Variants in ACOXL observed in about 807,000 individuals in gnomAD.
ACOXL encodes acyl-coenzyme A oxidase-like protein.
In ACOXL, 70 loss-of-function variants were observed where a neutral mutation model predicts 71.9. The observed-to-expected ratio is 0.97, with a 90% confidence interval of 0.80 to 1.19. The LOEUF is 1.19. ACOXL is among the 50% of genes most tolerant of loss of function. ACOXL has a pLI of 0.00. For missense variants in ACOXL, 703 were observed against 736.3 expected (o/e 0.95, Z 0.52); for synonymous variants, 253 against 281.6 (o/e 0.90, Z 1.02).
At chr2:110,936,951 A>T (rs2060687468) in intron 12 of ACOXL, among the ~76,000 whole-genome samples, 1 of 151,780 alleles carries the variant, frequency 6.6e-6, no homozygotes, top group Admixed American at 6.6e-5. Context: ...GGGTTCAAGC[A>T]ATTCTCCTCC....
intron 2 of ACOXL, among the ~76,000 whole-genome samples, chr2:110,781,565 C>T (rs1160809112): frequency 6.6e-6 from 1 of 151,964 alleles, no homozygotes; most frequent in Non-Finnish European, 1.5e-5. Context: ...TCGCTTCACC[C>T]TGGGAGGTGG....
chr2:110,851,539 G>C (rs946832760), intron 10 of ACOXL, among the ~76,000 whole-genome samples: 2 of 152,186 alleles, frequency 1.3e-5, no homozygotes, highest in African/African-American at 4.8e-5. Context: ...GGCGTTCCAC[G>C]ACAACACAGG....
intron 3 of ACOXL, among the ~76,000 whole-genome samples, chr2:110,788,348 A>C (rs945916993): frequency 6.6e-6 from 1 of 152,248 alleles, no homozygotes; most frequent in African/African-American, 2.4e-5. Flanking sequence ...CATGTGGATG[A>C]ACCTTGAAAT....
intron 10 of ACOXL, among the ~76,000 whole-genome samples, chr2:110,892,340 C>T (rs1698014804): frequency 6.6e-6 from 1 of 152,204 alleles, no homozygotes; most frequent in Non-Finnish European, 1.5e-5. Flanking sequence ...GTATTAGGTA[C>T]CATGCAGATT....
At chr2:110,753,900 A>C (rs1458698358) in intron 1 of ACOXL, among the ~76,000 whole-genome samples, 1 of 152,130 alleles carries the variant, frequency 6.6e-6, no homozygotes. Flanking sequence ...TATTTTAAAA[A>C]TTTAGCCATT....
chr2:110,989,445 G>A (rs1284763707), intron 13 of ACOXL, among the ~76,000 whole-genome samples: 2 of 152,112 alleles, frequency 1.3e-5, no homozygotes, highest in Non-Finnish European at 2.9e-5. Flanking sequence ...GAATTGGGTT[G>A]GCTGTTCAGA....
At chr2:111,066,348 A>ATTGGTAAG (rs1398178557) in intron 16 of ACOXL, among the ~76,000 whole-genome samples, 4 of 152,210 alleles carry the variant, frequency 2.6e-5, no homozygotes, top group African/African-American at 9.7e-5. Flanking sequence ...GAGAGATAAC[A>ATTGGTAAG]GATTAGTGGC....
At chr2:110,893,642 T>C (rs1425494631) in intron 10 of ACOXL, among the ~76,000 whole-genome samples, 1 of 152,150 alleles carries the variant, frequency 6.6e-6, no homozygotes, top group East Asian at 1.9e-4. Context: ...AATTATGCCT[T>C]CAAGTATAGT....
intron 1 of ACOXL, among the ~76,000 whole-genome samples, chr2:110,748,596 T>C (rs1678534543): frequency 6.6e-6 from 1 of 152,202 alleles, no homozygotes; most frequent in Non-Finnish European, 1.5e-5. Flanking sequence ...TTGCAGTGTT[T>C]GCCAGTTACC....
chr2:111,103,967 C>T (rs1319964750), intron 17 of ACOXL, among the ~76,000 whole-genome samples: 5 of 152,152 alleles, frequency 3.3e-5, no homozygotes, highest in East Asian at 1.9e-4. Flanking sequence ...GCTCCTATAG[C>T]CACACCCTCT....
chr2:111,029,985 T>C (rs2065190979), intron 14 of ACOXL, among the ~76,000 whole-genome samples: 1 of 152,138 alleles, frequency 6.6e-6, no homozygotes, highest in South Asian at 2.1e-4. Context: ...AGCCAGTTAG[T>C]TTTCTGTCCC....
chr2:111,049,419 G>A, intron 16 of ACOXL, 131 bp downstream of exon 16: 2 of 709,728 alleles, frequency 2.8e-6, no homozygotes, highest in Non-Finnish European at 4.7e-6. Context: ...GGATAAGCTT[G>A]TCATAGGCGA....
intron 1 of ACOXL, among the ~76,000 whole-genome samples, chr2:110,745,727 C>T (rs888689252): frequency 6.6e-5 from 10 of 152,260 alleles, no homozygotes; most frequent in East Asian, 5.8e-4. Context: ...AAATATTACC[C>T]GTGCAAGGAA....
At position 110,846,636 on chromosome 2, in the gene ACOXL, T is replaced by TACACACACACACACACACACACAC. The variant is rs1452445738; in HGVS notation, c.788+5235_788+5236insACACACACACACACACACACACAC. 4.2e-3 allele frequency among the ~76,000 whole-genome samples: 190 copies of TACACACACACACACACACACACAC among 44,870 alleles called. 6 individuals are homozygous for TACACACACACACACACACACACAC. Among genetic ancestry groups the TACACACACACACACACACACACAC allele is most frequent in the East Asian group, 0.032 (43 of 1,348 alleles). 29.4% of individuals were successfully genotyped at this position (44,870 alleles called of 152,430 possible). A position where few individuals can be genotyped will look rare whatever the true frequency, so the allele number is the denominator to read the frequency against. ...CCGCATGTGAGCATGCAAGTATGCA[T>TACACACACACACACACACACACAC]ACACGCACACACACACACACACACA... is the stretch of plus-strand genomic sequence containing the variant. On this transcript the variant is annotated intron_variant, in intron 10 of 17. Transcript: ENST00000439055.
intron 16 of ACOXL, among the ~76,000 whole-genome samples, chr2:111,067,663 T>C (rs1420318035): frequency 1.3e-5 from 2 of 152,246 alleles, no homozygotes; most frequent in African/African-American, 4.8e-5. Context: ...TTCAAATGTT[T>C]GGTGCAATGG....
intron 15 of ACOXL, among the ~76,000 whole-genome samples, chr2:111,040,830 G>T (rs1456097266): frequency 6.6e-6 from 1 of 152,170 alleles, no homozygotes; most frequent in Non-Finnish European, 1.5e-5. Flanking sequence ...GTGTGGTCGG[G>T]GTGTAGGGCC....
chr2:110,880,166 A>G (rs1439007468), intron 10 of ACOXL, among the ~76,000 whole-genome samples: 2 of 151,692 alleles, frequency 1.3e-5, no homozygotes, highest in East Asian at 3.9e-4. Flanking sequence ...AAAAAAAAAA[A>G]AAAAAAGAAA....
chr2:111,040,852 G>A (rs1023621621), intron 15 of ACOXL, among the ~76,000 whole-genome samples: 1 of 152,134 alleles, frequency 6.6e-6, no homozygotes, highest in Admixed American at 6.5e-5. Context: ...ATGTGAGGGT[G>A]AACAGCAGGG....
At chr2:110,777,708 A>G (rs1038361439) in intron 2 of ACOXL, among the ~76,000 whole-genome samples, 3 of 152,206 alleles carry the variant, frequency 2.0e-5, no homozygotes, top group African/African-American at 7.2e-5. Context: ...GACAGGGGCC[A>G]TCAGCGCGGG....
Sources: gnomAD v4.1 joint callset for allele counts (sites outside exome capture counted in the v4.1 genomes callset) on GRCh38, gnomAD v4.1.1 for gene constraint, MANE v1.5 for transcripts, NCBI Gene and HGNC (gene_info 2026-07-23, HGNC 2026-07-21) for gene names.